BCAS3: variants seen among roughly 807,000 people sequenced by gnomAD.
BCAS3 encodes the protein BCAS3 microtubule associated cell migration factor, also known as BCAS4/BCAS3 fusion.
BCAS3 carries 53 observed loss-of-function variants against 116.1 expected under a neutral mutation model. The ratio of observed to expected loss-of-function variants is 0.46; its 90% confidence interval spans 0.37 to 0.57. BCAS3 has a LOEUF of 0.57. Among genes scored for constraint, BCAS3 ranks in the 20% least tolerant of loss-of-function variants. The pLI is 0.00. For missense variants in BCAS3, 917 were observed against 1,165.4 expected (o/e 0.79, Z 3.10); for synonymous variants, 391 against 408.2 (o/e 0.96, Z 0.51).
At chr17:61,096,357 G>C (rs1469878536) in intron 22 of BCAS3, among the ~76,000 whole-genome samples, 2 of 151,956 alleles carry the variant, frequency 1.3e-5, no homozygotes, top group Non-Finnish European at 2.9e-5. Flanking sequence ...TTGTATCCCA[G>C]CCTGGGCAAT....
intron 12 of BCAS3, among the ~76,000 whole-genome samples, chr17:60,923,876 T>A (rs1242182575): frequency 6.6e-6 from 1 of 152,176 alleles, no homozygotes; most frequent in Non-Finnish European, 1.5e-5. Context: ...CTCTAGAAAC[T>A]GAGAGTTGAA....
chr17:61,166,222 A>G (rs987509074), intron 22 of BCAS3, among the ~76,000 whole-genome samples: 6 of 152,134 alleles, frequency 3.9e-5, no homozygotes, highest in African/African-American at 1.2e-4. Context: ...TTTGTCCTAT[A>G]AAGTATCTTA....
rs149653767 is a variant in BCAS3 at position 61,255,055 on chromosome 17, A to G, written c.2426-113272A>G. ...CCTCTTTGGGACTTTGGTTTCATTA[A>G]TCTCAATTTGTTCTGAAGGCACTAA... On this transcript the variant is annotated intron_variant, in intron 22 of 23. Coordinates refer to ENST00000407086, the MANE Select transcript of BCAS3 (RefSeq NM_017679.5). 2.6e-4 allele frequency among the ~76,000 whole-genome samples: 39 copies of G among 152,102 alleles called. No individual in the cohort carries two copies. In the East Asian group the frequency reaches 6.6e-3, roughly 26 times the overall value.
chr17:61,297,802 A>G (rs1024494756), intron 22 of BCAS3, among the ~76,000 whole-genome samples: 1 of 152,202 alleles, frequency 6.6e-6, no homozygotes, highest in South Asian at 2.1e-4. Flanking sequence ...TATGCTCTCA[A>G]CGGTATTTTT....
At chr17:60,833,992 T>A (rs1238234730) in intron 7 of BCAS3, among the ~76,000 whole-genome samples, 1 of 151,986 alleles carries the variant, frequency 6.6e-6, no homozygotes, top group African/African-American at 2.4e-5. Context: ...CACTATAAAA[T>A]AACTGCATAT....
chr17:61,192,397 G>A (rs1327651051), intron 22 of BCAS3, among the ~76,000 whole-genome samples: 2 of 152,054 alleles, frequency 1.3e-5, no homozygotes, highest in African/African-American at 4.8e-5. Flanking sequence ...AGTATAACTT[G>A]AGTGTTGAGC....
intron 22 of BCAS3, among the ~76,000 whole-genome samples, chr17:61,294,897 T>C (rs34291668): frequency 0.04 from 6,096 of 152,244 alleles, 161 homozygotes; most frequent in East Asian, 0.052. Flanking sequence ...AAGTCAGCCC[T>C]CTCTGCCCCT....
At chr17:60,818,854 C>G (rs555056468) in intron 7 of BCAS3, among the ~76,000 whole-genome samples, 1 of 152,044 alleles carries the variant, frequency 6.6e-6, no homozygotes, top group Non-Finnish European at 1.5e-5. Context: ...TGACAGCTGC[C>G]GCACTGGCAT....
Position 61,376,573 on chromosome 17 carries a change from A to G in BCAS3, c.2593+8079A>G, listed in dbSNP as rs1363287333. Among the ~76,000 whole-genome samples the G allele has an allele frequency of 6.6e-6, 1 of 151,850 alleles. No individual in the cohort carries two copies. The highest frequency in any genetic ancestry group is 1.5e-5 in the Non-Finnish European group (1 of 67,970). On this transcript the variant is annotated intron_variant, in intron 23 of 23. Coordinates refer to ENST00000407086, the MANE Select transcript of BCAS3 (RefSeq NM_017679.5). This position sits in a 1 kb window ranked among gnomAD's most constrained non-coding sequence, Gnocchi z 4.5. ...CCATGAGACCCAGTCTTGTCTTTTAATTTTTTCCTCCAAGCCTTACCTCTC... is the reference window on the plus strand; with the variant it reads ...CCATGAGACCCAGTCTTGTCTTTTAGTTTTTTCCTCCAAGCCTTACCTCTC...
chr17:60,774,980 C>T (rs1483444338), intron 6 of BCAS3, among the ~76,000 whole-genome samples: 1 of 152,132 alleles, frequency 6.6e-6, no homozygotes, highest in Non-Finnish European at 1.5e-5. Flanking sequence ...AGCATTTTGC[C>T]TTAGTTCCTT....
intron 9 of BCAS3, 121 bp downstream of exon 9, chr17:60,874,859 C>T: frequency 1.8e-6 from 1 of 569,338 alleles, no homozygotes; most frequent in Non-Finnish European, 3.0e-6. Flanking sequence ...TGATGATTTT[C>T]TTGTGATTCT....
chr17:61,209,932 T>C (rs2081358096), intron 22 of BCAS3, among the ~76,000 whole-genome samples: 1 of 152,198 alleles, frequency 6.6e-6, no homozygotes, highest in Non-Finnish European at 1.5e-5. Context: ...CCTGTCCATT[T>C]ATGAAGATCA....
intron 22 of BCAS3, among the ~76,000 whole-genome samples, chr17:61,268,584 T>G (rs2049960986): frequency 6.6e-6 from 1 of 151,898 alleles, no homozygotes; most frequent in Non-Finnish European, 1.5e-5. Flanking sequence ...GGGTTTTTTT[T>G]GTTTTTTTTG....
At chr17:61,117,070 A>G (rs2075512461) in intron 22 of BCAS3, among the ~76,000 whole-genome samples, 1 of 152,134 alleles carries the variant, frequency 6.6e-6, no homozygotes, top group Admixed American at 6.5e-5. Flanking sequence ...ATTATTTTTC[A>G]AATACTTTGC....
intron 22 of BCAS3, among the ~76,000 whole-genome samples, chr17:61,120,447 A>G (rs570087696): frequency 2.0e-5 from 3 of 152,242 alleles, no homozygotes; most frequent in South Asian, 2.1e-4. Context: ...TATATTTGCT[A>G]TGAGCAGTTT....
chr17:60,963,190 G>A (rs2145314689), intron 14 of BCAS3, among the ~76,000 whole-genome samples: 1 of 152,002 alleles, frequency 6.6e-6, no homozygotes, highest in Admixed American at 6.6e-5. Flanking sequence ...AGTTCCTTTG[G>A]CTCAGGATTG....
At chr17:60,782,119 A>G (rs1276934505) in intron 6 of BCAS3, among the ~76,000 whole-genome samples, 3 of 152,222 alleles carry the variant, frequency 2.0e-5, no homozygotes, top group Non-Finnish European at 4.4e-5. Context: ...ATGACCACAT[A>G]TGAGGAGTCC....
At chr17:61,382,969 C>T (rs2059677458) in intron 23 of BCAS3, 1 of 152,438 alleles carries the variant, frequency 6.6e-6, no homozygotes, top group South Asian at 2.1e-4. Context: ...ACCCTGCTGT[C>T]CCTTCAGCTG....
At chr17:61,312,911 C>G (rs1050068137) in intron 22 of BCAS3, among the ~76,000 whole-genome samples, 1 of 152,176 alleles carries the variant, frequency 6.6e-6, no homozygotes, top group African/African-American at 2.4e-5. Flanking sequence ...TGGGCATAAC[C>G]GAAGACTTGC....
Sources: gnomAD v4.1 joint callset for allele counts (sites outside exome capture counted in the v4.1 genomes callset) on GRCh38, gnomAD v4.1.1 for gene constraint, Gnocchi (gnomAD v3.1) non-coding constraint, MANE v1.5 for transcripts, NCBI Gene and HGNC (gene_info 2026-07-23, HGNC 2026-07-21) for gene names.